LHFPL3: variants seen among roughly 807,000 people sequenced by gnomAD.
The protein encoded by LHFPL3 is LHFPL tetraspan subfamily member 3, also known as LHFPL tetraspan subfamily member 3 protein.
A neutral mutation model predicts 19.3 loss-of-function variants in LHFPL3; 5 were observed. The observed-to-expected ratio is 0.26, with a 90% CI of 0.14 to 0.54. The LOEUF (loss-of-function observed/expected upper bound fraction) is 0.54. Among genes scored for constraint, LHFPL3 ranks in the 20% least tolerant of loss-of-function variants. The pLI, the probability that LHFPL3 is intolerant of heterozygous loss-of-function variation, is 0.94. For missense variants in LHFPL3, 249 were observed against 307.4 expected, an observed-to-expected ratio of 0.81 and a Z score of 1.42; for synonymous variants, 133 against 126.2, an observed-to-expected ratio of 1.05 and a Z score of -0.36.
intron 1 of LHFPL3, among the ~76,000 whole-genome samples, chr7:104,559,953 G>A (rs368439736): frequency 2.1e-4 from 32 of 150,156 alleles, no homozygotes; most frequent in African/African-American, 3.0e-4. Context: ...GGTTTTTGTC[G>A]TTGGTTCTGT....
At chr7:104,825,395 T>C (rs1053123821) in intron 2 of LHFPL3, among the ~76,000 whole-genome samples, 3 of 151,980 alleles carry the variant, frequency 2.0e-5, no homozygotes, top group East Asian at 1.9e-4. Context: ...TGGGATCAGA[T>C]TGACCCAGGA....
At chr7:104,517,679 TG>T (rs1281304404) in intron 1 of LHFPL3, among the ~76,000 whole-genome samples, 3 of 152,062 alleles carry the variant, frequency 2.0e-5, no homozygotes, top group African/African-American at 7.2e-5. Flanking sequence ...GCTAATTTTT[TG>T]TATTTTTAGT....
chr7:104,447,746 G>A (rs769319593), intron 1 of LHFPL3, among the ~76,000 whole-genome samples: 1 of 151,952 alleles, frequency 6.6e-6, no homozygotes, highest in Non-Finnish European at 1.5e-5. Context: ...GGTATTCTCT[G>A]TTCTCTCTGA....
chr7:104,904,610 C>G (rs1792561725), intron 2 of LHFPL3, among the ~76,000 whole-genome samples: 1 of 152,118 alleles, frequency 6.6e-6, no homozygotes. Flanking sequence ...AAGATCATGC[C>G]ACTGCACTCT....
intron 1 of LHFPL3, among the ~76,000 whole-genome samples, chr7:104,406,153 A>G (rs1210776365): frequency 1.3e-5 from 2 of 152,118 alleles, no homozygotes; most frequent in Non-Finnish European, 2.9e-5. Flanking sequence ...GCCATTCCCC[A>G]CCTAAATTCT....
At chr7:104,601,698 A>G (rs1212201270) in intron 1 of LHFPL3, among the ~76,000 whole-genome samples, 1 of 152,106 alleles carries the variant, frequency 6.6e-6, no homozygotes, top group East Asian at 1.9e-4. Flanking sequence ...TCATACAAAG[A>G]CACCAACCAC....
intron 1 of LHFPL3, among the ~76,000 whole-genome samples, chr7:104,602,902 A>G (rs1790996398): frequency 6.6e-6 from 1 of 152,138 alleles, no homozygotes; most frequent in Admixed American, 6.6e-5. Context: ...GAACTCATCC[A>G]TTTTATCAGG....
chr7:104,360,816 A>G (rs552985209), intron 1 of LHFPL3, among the ~76,000 whole-genome samples: 2 of 152,082 alleles, frequency 1.3e-5, no homozygotes, highest in Non-Finnish European at 2.9e-5. Context: ...GAGAGTGGAA[A>G]TAGGGAGATC....
At chr7:104,774,247 A>G (rs1794606538) in intron 2 of LHFPL3, among the ~76,000 whole-genome samples, 1 of 152,258 alleles carries the variant, frequency 6.6e-6, no homozygotes, top group Non-Finnish European at 1.5e-5. Flanking sequence ...AGCCCTCATT[A>G]ATGAAATTAA....
chr7:104,343,553 C>CAAAAAAAAA (rs1790002695), intron 1 of LHFPL3, among the ~76,000 whole-genome samples: 1 of 91,890 alleles, frequency 1.1e-5, no homozygotes, highest in Non-Finnish European at 2.5e-5. Flanking sequence ...AAAAAAAAAG[C>CAAAAAAAAA]CAAGCTTGAA....
chr7:104,421,300 G>A (rs1791728482), intron 1 of LHFPL3, among the ~76,000 whole-genome samples: 1 of 152,206 alleles, frequency 6.6e-6, no homozygotes, highest in South Asian at 2.1e-4. Context: ...CAAGGTATAG[G>A]CAAATTCAAG....
intron 1 of LHFPL3, among the ~76,000 whole-genome samples, chr7:104,408,380 A>G (rs2116506776): frequency 6.7e-6 from 1 of 150,318 alleles, no homozygotes; most frequent in Non-Finnish European, 1.5e-5. Context: ...TCTAGATTGG[A>G]TCCAACTTTC....
At chr7:104,556,187 G>C (rs1413233284) in intron 1 of LHFPL3, among the ~76,000 whole-genome samples, 1 of 152,172 alleles carries the variant, frequency 6.6e-6, no homozygotes, top group Non-Finnish European at 1.5e-5. Context: ...GAGGACATTG[G>C]CCCTCTTCTC....
At chr7:104,407,975 C>G (rs762824758) in intron 1 of LHFPL3, among the ~76,000 whole-genome samples, 1 of 152,148 alleles carries the variant, frequency 6.6e-6, no homozygotes, top group Non-Finnish European at 1.5e-5. Context: ...TAATTTCACC[C>G]TCTTTGACTT....
intron 1 of LHFPL3, among the ~76,000 whole-genome samples, chr7:104,621,244 T>C (rs914701981): frequency 6.6e-6 from 1 of 152,240 alleles, no homozygotes; most frequent in Non-Finnish European, 1.5e-5. Flanking sequence ...TGAGGCTTAC[T>C]TGAATCGGGG....
chr7:104,472,065 T>C (rs561396706), intron 1 of LHFPL3, among the ~76,000 whole-genome samples: 20 of 151,746 alleles, frequency 1.3e-4, no homozygotes, highest in Admixed American at 1.2e-3. Context: ...TAGTCTCAGC[T>C]ACTCAGGAGG....
chr7:104,410,448 C>T (rs960928317), intron 1 of LHFPL3, among the ~76,000 whole-genome samples: 1 of 152,136 alleles, frequency 6.6e-6, no homozygotes, highest in Non-Finnish European at 1.5e-5. Flanking sequence ...GTCTGTTTTA[C>T]CCATTGAAGA....
chr7:104,522,807 C>G (rs989336562), intron 1 of LHFPL3, among the ~76,000 whole-genome samples: 5 of 152,058 alleles, frequency 3.3e-5, no homozygotes, highest in Non-Finnish European at 5.9e-5. Flanking sequence ...GGCCTTGAAA[C>G]AGGGTAAGAC....
chr7:104,369,977 A>C (rs1486204049), intron 1 of LHFPL3, among the ~76,000 whole-genome samples: 1 of 152,254 alleles, frequency 6.6e-6, no homozygotes, highest in African/African-American at 2.4e-5. Flanking sequence ...ACATCAATTA[A>C]TTTAACAAAA....
Sources: allele counts gnomAD v4.1 joint callset (sites outside exome capture counted in the v4.1 genomes callset), GRCh38; gene constraint gnomAD v4.1.1; transcripts MANE v1.5; gene names NCBI Gene and HGNC (gene_info 2026-07-23, HGNC 2026-07-21).